PLCG2: variants seen among roughly 807,000 people sequenced by gnomAD.
PLCG2 encodes the protein 1-phosphatidylinositol 4,5-bisphosphate phosphodiesterase gamma-2.
In PLCG2, 69 loss-of-function variants were observed where a neutral mutation model predicts 175.6. The ratio of observed to expected loss-of-function variants is 0.39; its 90% CI spans 0.32 to 0.48. The LOEUF is 0.48. PLCG2 is among the 20% of genes least tolerant of loss of function. The pLI is 0.91. For missense variants in PLCG2, 1,798 were observed against 1,650.9 expected (o/e 1.09, Z -1.54); for synonymous variants, 827 against 624.0 (o/e 1.33, Z -4.85).
At chr16:81,908,374 G>A (rs1158053452) in intron 16 of PLCG2, 42 bp from the exon 17 acceptor site, 3 of 1,569,232 alleles carry the variant, frequency 1.9e-6, no homozygotes, top group East Asian at 2.2e-5. Flanking sequence ...GCTGGGGTTT[G>A]GTCCAAGGCT....
chr16:81,758,981 G>C (rs780338421), intron 2 of PLCG2, among the ~76,000 whole-genome samples: 2 of 152,018 alleles, frequency 1.3e-5, no homozygotes, highest in Admixed American at 6.6e-5. Flanking sequence ...CCCGGCTATC[G>C]TCCATCTTTT....
At chr16:81,957,664 A>G (rs1470760081) in intron 32 of PLCG2, among the ~76,000 whole-genome samples, 1 of 152,040 alleles carries the variant, frequency 6.6e-6, no homozygotes, top group African/African-American at 2.4e-5. Context: ...CAAAAATCCT[A>G]ATAGTAGCCA....
At chr16:81,910,817 A>T (rs1909590296) in intron 18 of PLCG2, 97 bp downstream of exon 18, 1 of 1,152,922 alleles carries the variant, frequency 8.7e-7, no homozygotes, top group African/African-American at 1.5e-5. Context: ...CCAGTCCCCC[A>T]GGACACCCTC....
At chr16:81,911,635 G>A (rs1909627626) in intron 18 of PLCG2, among the ~76,000 whole-genome samples, 1 of 150,996 alleles carries the variant, frequency 6.6e-6, no homozygotes, top group Non-Finnish European at 1.5e-5. Flanking sequence ...TTTTGAGACC[G>A]GGTCTCGCTC....
At chr16:81,913,388 C>A (rs949090844) in intron 19 of PLCG2, among the ~76,000 whole-genome samples, 2 of 152,216 alleles carry the variant, frequency 1.3e-5, no homozygotes, top group African/African-American at 4.8e-5. Context: ...TCCTTTGCTA[C>A]AGCCTGTGAG....
intron 2 of PLCG2, among the ~76,000 whole-genome samples, chr16:81,795,406 A>G (rs1474984485): frequency 6.6e-6 from 1 of 152,196 alleles, no homozygotes; most frequent in East Asian, 1.9e-4. Flanking sequence ...CATAGGGCAT[A>G]GCAACAAAGC....
chr16:81,874,351 C>T (rs1315824122), intron 7 of PLCG2, among the ~76,000 whole-genome samples: 3 of 152,190 alleles, frequency 2.0e-5, no homozygotes, highest in African/African-American at 4.8e-5. Context: ...TGGCAACCCT[C>T]ATCTCCACTG....
intron 2 of PLCG2, among the ~76,000 whole-genome samples, chr16:81,804,485 C>T (rs932431333): frequency 1.3e-5 from 2 of 152,216 alleles, no homozygotes; most frequent in African/African-American, 2.4e-5. Flanking sequence ...TGGGCATGGA[C>T]ACTGATTGGC....
At chr16:81,761,081 G>A (rs1010216591) in intron 2 of PLCG2, among the ~76,000 whole-genome samples, 1 of 152,128 alleles carries the variant, frequency 6.6e-6, no homozygotes. Context: ...ATTTTTTGTA[G>A]TAACAAGGTT....
At chr16:81,858,173 C>G in intron 3 of PLCG2, 90 bp from the exon 4 acceptor site, 1 of 891,986 alleles carries the variant, frequency 1.1e-6, no homozygotes, top group Non-Finnish European at 1.9e-6. Context: ...AGGCTTCTCC[C>G]ATCTTCGTGA....
chr16:81,873,254 C>G (rs570366322), intron 7 of PLCG2, among the ~76,000 whole-genome samples: 5 of 152,276 alleles, frequency 3.3e-5, no homozygotes, highest in Admixed American at 1.3e-4. Context: ...TAAATGAGAT[C>G]AATGGTTATA....
chr16:81,826,000 C>G (rs561563960), intron 2 of PLCG2, among the ~76,000 whole-genome samples: 1 of 152,248 alleles, frequency 6.6e-6, no homozygotes, highest in South Asian at 2.1e-4. Flanking sequence ...TTGGAGCGAG[C>G]TCTGGAAATG....
rs1367572408 is a variant in PLCG2, at chr16:81,867,784, G to A, written c.480-1430G>A. Among the ~76,000 whole-genome samples, 3 of 151,870 alleles carry A rather than the reference G, an allele frequency of 2.0e-5. No homozygotes were observed. In the East Asian group the frequency reaches 5.8e-4, roughly 30 times the overall value. On this transcript the variant is annotated intron_variant, in intron 5 of 32. Transcript: ENST00000564138. ...GTGATCTCGGCTCACTGCAAGCTCC[G>A]CCTCCCGAATTCACGCCATTCTTCT...
chr16:81,824,587 G>A (rs780152865), intron 2 of PLCG2, among the ~76,000 whole-genome samples: 9 of 152,198 alleles, frequency 5.9e-5, no homozygotes, highest in Non-Finnish European at 7.3e-5. Flanking sequence ...CATGTTCCTC[G>A]TGTGCCACAC....
chr16:81,947,805 T>A (rs1408455079), intron 31 of PLCG2, among the ~76,000 whole-genome samples: 1 of 152,242 alleles, frequency 6.6e-6, no homozygotes, highest in African/African-American at 2.4e-5. Flanking sequence ...TTTTATTACC[T>A]ACTGTATTTT....
intron 31 of PLCG2, among the ~76,000 whole-genome samples, chr16:81,954,708 A>G (rs1256572675): frequency 6.6e-6 from 1 of 152,168 alleles, no homozygotes; most frequent in African/African-American, 2.4e-5. Flanking sequence ...CATGGTGTAT[A>G]TGTACCACAT....
intron 13 of PLCG2, 66 bp downstream of exon 13, chr16:81,895,993 T>C: frequency 6.3e-7 from 1 of 1,591,000 alleles, no homozygotes; most frequent in Non-Finnish European, 8.6e-7. Flanking sequence ...GATAGACAGA[T>C]GGACAGACAG....
At chr16:81,779,814 G>A (rs996682030) in intron 1 of PLCG2, among the ~76,000 whole-genome samples, 4 of 152,176 alleles carry the variant, frequency 2.6e-5, no homozygotes. Context: ...CAGAGCTCGC[G>A]GACGCTCGGA....
rs1014490206 is a variant in PLCG2 at position 81,870,832 on chromosome 16, C to T, written c.565-20C>T. The T allele has an allele frequency of 1.5e-5, 21 of 1,433,788 alleles. 1 individual carries two copies. The highest frequency in any genetic ancestry group is 5.7e-5 in the Admixed American group (3 of 52,688). 88.8% of individuals were successfully genotyped at this position (1,433,788 alleles called of 1,614,324 possible). ...CGGTGGACATCAAAAATCATGTGGT[C>T]ACTTTTTTCATATTTACAGGAAATA... On this transcript the variant is annotated intron_variant, in intron 6 of 32. Coordinates refer to ENST00000564138, the MANE Select transcript of PLCG2 (RefSeq NM_002661.5).
Sources: gnomAD v4.1 joint callset for allele counts (sites outside exome capture counted in the v4.1 genomes callset) on GRCh38, gnomAD v4.1.1 for gene constraint, MANE v1.5 for transcripts, NCBI Gene and HGNC (gene_info 2026-07-23, HGNC 2026-07-21) for gene names.